Variants in LOXL2 observed in about 807,000 individuals in gnomAD.
LOXL2 encodes lysyl oxidase like 2.
In LOXL2, 70 loss-of-function variants were observed where a neutral mutation model predicts 93.0. The ratio of observed to expected loss-of-function variants is 0.75; its 90% CI spans 0.62 to 0.92. The LOEUF (loss-of-function observed/expected upper bound fraction) is 0.92. Ranked by LOEUF, LOXL2 falls within the 40% of genes least tolerant of loss-of-function variation. The probability of loss-of-function intolerance (pLI) is 0.00; values close to 1 mark genes in which losing one functional copy is unlikely to be tolerated. For missense variants in LOXL2, 973 were observed against 1,054.9 expected (o/e 0.92, Z 1.08); for synonymous variants, 438 against 413.2 (o/e 1.06, Z -0.73).
chr8:23,334,825 T>TG (rs1359849571), intron 4 of LOXL2, among the ~76,000 whole-genome samples: 1 of 151,684 alleles, frequency 6.6e-6, no homozygotes, highest in East Asian at 1.9e-4. Flanking sequence ...GTTGTTGTTT[T>TG]TTTTTTTTTG....
rs1803509383 is a variant in LOXL2 at position 23,322,272 on chromosome 8, G to A, written c.1160C>T (p.Pro387Leu). 3 of 1,613,956 alleles carry A rather than the reference G, an allele frequency of 1.9e-6. No individual in the cohort carries two copies. The highest frequency in any genetic ancestry group is 1.1e-5 in the South Asian group (1 of 91,040). The change falls in exon 7 of 14, where the codon CCC becomes CTC. Residue 387 changes from proline (P) to leucine (L), a missense_variant. Coordinates refer to ENST00000389131, the MANE Select transcript of LOXL2 (RefSeq NM_002318.3). ...GCACTGGATCTCGTTGAGGTGGATGGGTCCGATCCCTGCAAGGGGAGAATA... is the reference window on the plus strand; with the variant it reads ...GCACTGGATCTCGTTGAGGTGGATGAGTCCGATCCCTGCAAGGGGAGAATA... ...TGSRLGQGIG[P>L]IHLNEIQCTG...
At position 23,378,997 on chromosome 8, in the gene LOXL2, G is replaced by A. The variant is rs190347290; in HGVS notation, c.-83-10563C>T. 1.6e-3 allele frequency among the ~76,000 whole-genome samples: 244 copies of A among 149,064 alleles called. 5 individuals are homozygous for A. In the East Asian group the frequency reaches 0.026, roughly 16 times the overall value. On this transcript the variant is annotated intron_variant, in intron 1 of 13. Transcript: ENST00000389131. ...GGCGAGGAGCTGTGTTCCTTTGGAG[G>A]GGGAGAGGTGCTCTGGTTTTTAGAA...
chr8:23,325,676 T>A (rs756815053), intron 6 of LOXL2, among the ~76,000 whole-genome samples: 46 of 152,336 alleles, frequency 3.0e-4, no homozygotes, highest in Non-Finnish European at 6.0e-4. Context: ...AACACATTCA[T>A]TCATTCCTTA....
intron 9 of LOXL2, chr8:23,316,689 G>A: frequency 2.0e-6 from 1 of 491,300 alleles, no homozygotes; most frequent in Non-Finnish European, 3.6e-6. Flanking sequence ...GGTCACTGCA[G>A]TAGCAGTGGT....
chr8:23,318,187 AACC>A (rs762681290), intron 8 of LOXL2, among the ~76,000 whole-genome samples: 753 of 30,442 alleles, frequency 0.025, 6 homozygotes, highest in African/African-American at 0.041. Context: ...AAAAAAAAAA[AACC>A]CAAAAAACCT....
intron 3 of LOXL2, among the ~76,000 whole-genome samples, chr8:23,350,085 C>T (rs1176964309): frequency 1.3e-5 from 2 of 152,066 alleles, no homozygotes; most frequent in African/African-American, 4.8e-5. Context: ...CTAACACCCT[C>T]TCCCCTTTTC....
At chr8:23,372,264 G>T (rs1184963807) in intron 1 of LOXL2, among the ~76,000 whole-genome samples, 1 of 148,872 alleles carries the variant, frequency 6.7e-6, no homozygotes, top group Non-Finnish European at 1.5e-5. Context: ...TGCCCAGGCT[G>T]GAGTGTGCAG....
At chr8:23,361,876 A>AC (rs1245512101) in intron 2 of LOXL2, among the ~76,000 whole-genome samples, 1 of 151,318 alleles carries the variant, frequency 6.6e-6, no homozygotes, top group Non-Finnish European at 1.5e-5. Flanking sequence ...AACAAAAAAA[A>AC]CAGAAAATGA....
At chr8:23,333,942 G>C (rs12681828) in intron 4 of LOXL2, among the ~76,000 whole-genome samples, 71,511 of 152,116 alleles carry the variant, frequency 0.47, 17,853 homozygotes, top group Non-Finnish European at 0.57. Context: ...AATGCACAAA[G>C]GTATTTAAAA....
In LOXL2 at chr8:23,322,279, T is replaced by A. The variant is rs1201679408; in HGVS notation, c.1153A>T (p.Ile385Phe). 3 of 1,613,952 alleles carry A rather than the reference T, an allele frequency of 1.9e-6. No homozygotes were observed. Among genetic ancestry groups the A allele is most frequent in the South Asian group, 2.2e-5 (2 of 91,044 alleles). Residue 385 changes from isoleucine (I) to phenylalanine (F), a missense_variant and splice_region_variant, in exon 7 of 14, where the codon ATC becomes TTC. Transcript: ENST00000389131. ...ATCTCGTTGAGGTGGATGGGTCCGA[T>A]CCCTGCAAGGGGAGAATAAACATGC... ...AVTGSRLGQG[I>F]GPIHLNEIQC...
chr8:23,395,786 G>A (rs972864257), intron 1 of LOXL2, among the ~76,000 whole-genome samples: 4 of 151,970 alleles, frequency 2.6e-5, no homozygotes, highest in Non-Finnish European at 4.4e-5. Context: ...CGTAACCTCC[G>A]CCTCAGCCTC....
chr8:23,331,361 G>A (rs1178280961), intron 5 of LOXL2: 3 of 152,180 alleles, frequency 2.0e-5, no homozygotes, highest in Non-Finnish European at 2.9e-5. Flanking sequence ...TCTTATCCCT[G>A]ACTTGGTGAC....
In LOXL2 at chr8:23,297,749, T is replaced by A; in HGVS notation, c.*294A>T. The A allele has an allele frequency of 3.0e-6, 1 of 334,426 alleles. No homozygotes were observed. The highest frequency in any genetic ancestry group is 5.5e-6 in the Non-Finnish European group (1 of 180,302). 20.7% of individuals were successfully genotyped at this position (334,426 alleles called of 1,614,324 possible). On this transcript the variant is annotated 3_prime_UTR_variant, in exon 14 of 14. Transcript: ENST00000389131. The stretch of plus-strand genomic sequence containing the variant: ...TGAATGGGACAAGCTGATGACAACC[T>A]GTCTGTGGGCCTCATCCCGGTCAAG...
chr8:23,382,943 C>T (rs1804701415), intron 1 of LOXL2, among the ~76,000 whole-genome samples: 1 of 152,142 alleles, frequency 6.6e-6, no homozygotes, highest in Non-Finnish European at 1.5e-5. Flanking sequence ...ACACCTGCTC[C>T]CACCCTCAAT....
intron 9 of LOXL2, among the ~76,000 whole-genome samples, chr8:23,312,108 G>C (rs1803327622): frequency 6.6e-6 from 1 of 152,132 alleles, no homozygotes; most frequent in Non-Finnish European, 1.5e-5. Flanking sequence ...AGAAGAAGCT[G>C]AATCTCTGAA....
At chr8:23,315,902 A>T (rs558559112) in intron 9 of LOXL2, among the ~76,000 whole-genome samples, 1 of 152,222 alleles carries the variant, frequency 6.6e-6, no homozygotes, top group East Asian at 1.9e-4. Context: ...ATATAAATAA[A>T]TTGATAAATA....
At chr8:23,377,042 T>A (rs1804606122) in intron 1 of LOXL2, among the ~76,000 whole-genome samples, 1 of 152,226 alleles carries the variant, frequency 6.6e-6, no homozygotes, top group African/African-American at 2.4e-5. Flanking sequence ...AGGGTGTCAA[T>A]TTTAGATCTT....
At chr8:23,323,894 G>A (rs1360551385) in intron 6 of LOXL2, among the ~76,000 whole-genome samples, 1 of 152,096 alleles carries the variant, frequency 6.6e-6, no homozygotes, top group Admixed American at 6.5e-5. Flanking sequence ...TAGACATGGG[G>A]TTTCACCATG....
intron 1 of LOXL2, among the ~76,000 whole-genome samples, chr8:23,393,616 C>T (rs192913689): frequency 1.4e-3 from 212 of 152,148 alleles, no homozygotes; most frequent in Admixed American, 4.4e-3. Flanking sequence ...ACATAGAGTA[C>T]GTCTTCATGG....
Sources: allele counts gnomAD v4.1 joint callset (sites outside exome capture counted in the v4.1 genomes callset), GRCh38; gene constraint gnomAD v4.1.1; transcripts MANE v1.5; gene names NCBI Gene and HGNC (gene_info 2026-07-23, HGNC 2026-07-21).